The following IQGAP2 variants were observed in gnomAD, a reference collection of about 807,000 sequenced individuals.
IQGAP2 encodes the protein ras GTPase-activating-like protein IQGAP2.
A neutral mutation model predicts 201.3 loss-of-function variants in IQGAP2; 173 were observed. The observed-to-expected ratio is 0.86, with a 90% CI of 0.76 to 0.98. The LOEUF is 0.98. IQGAP2 is among the 50% of genes least tolerant of loss of function. IQGAP2 has a pLI of 0.00. For missense variants in IQGAP2, 1,687 were observed against 1,864.8 expected (o/e 0.90, Z 1.76); for synonymous variants, 675 against 673.9 (o/e 1.00, Z -0.03).
intron 11 of IQGAP2, among the ~76,000 whole-genome samples, chr5:76,603,323 A>C (rs565334286): frequency 5.9e-5 from 9 of 152,192 alleles, no homozygotes; most frequent in African/African-American, 1.9e-4. Flanking sequence ...ATCTGATGTT[A>C]TCTCTCCTGG....
intron 17 of IQGAP2, among the ~76,000 whole-genome samples, chr5:76,646,846 A>T (rs1561546639): frequency 6.6e-6 from 1 of 152,092 alleles, no homozygotes; most frequent in Non-Finnish European, 1.5e-5. Flanking sequence ...AAGTTTACTC[A>T]TGTATATTTT....
chr5:76,464,559 G>C (rs1754669147), intron 2 of IQGAP2, among the ~76,000 whole-genome samples: 1 of 152,050 alleles, frequency 6.6e-6, no homozygotes. Flanking sequence ...TTCTGTCTTT[G>C]CACCTGTTTT....
intron 2 of IQGAP2, among the ~76,000 whole-genome samples, chr5:76,541,551 C>G (rs1473679610): frequency 6.6e-6 from 1 of 152,138 alleles, no homozygotes; most frequent in African/African-American, 2.4e-5. Flanking sequence ...ATTATAATAC[C>G]TATACTGGAT....
At chr5:76,659,161 T>C (rs1448740843) in intron 21 of IQGAP2, among the ~76,000 whole-genome samples, 1 of 152,222 alleles carries the variant, frequency 6.6e-6, no homozygotes, top group Non-Finnish European at 1.5e-5. Flanking sequence ...TCTTCGTCTG[T>C]AAAATTTTAA....
intron 1 of IQGAP2, among the ~76,000 whole-genome samples, chr5:76,444,578 C>T (rs563257406): frequency 2.0e-5 from 3 of 152,150 alleles, no homozygotes; most frequent in African/African-American, 4.8e-5. Flanking sequence ...GGATTACAGG[C>T]GTGAGCCACT....
chr5:76,628,845 G>A, intron 14 of IQGAP2: 1 of 381,720 alleles, frequency 2.6e-6, no homozygotes, highest in Non-Finnish European at 5.1e-6. Flanking sequence ...ATGAAGTGGA[G>A]GTGTGTATAT....
intron 2 of IQGAP2, among the ~76,000 whole-genome samples, chr5:76,476,174 A>G (rs1755411991): frequency 6.6e-6 from 1 of 152,132 alleles, no homozygotes; most frequent in Non-Finnish European, 1.5e-5. Flanking sequence ...GTTGGAGTGT[A>G]GTGGAGGAGT....
intron 13 of IQGAP2, among the ~76,000 whole-genome samples, chr5:76,621,011 A>G (rs1749605897): frequency 6.6e-6 from 1 of 152,214 alleles, no homozygotes; most frequent in South Asian, 2.1e-4. Flanking sequence ...CCAGATTTCT[A>G]ATGTTACCTT....
intron 2 of IQGAP2, among the ~76,000 whole-genome samples, chr5:76,525,126 T>C (rs1253200300): frequency 6.6e-6 from 1 of 152,222 alleles, no homozygotes; most frequent in South Asian, 2.1e-4. Context: ...TTTTCAAATA[T>C]AAGAGAAGGA....
chr5:76,627,481 C>T lies in IQGAP2; in HGVS notation c.1593C>T (p.Asp531=), dbSNP rs767857224. The T allele has an allele frequency of 6.4e-5, 101 of 1,588,688 alleles. 1 individual carries two copies. In the South Asian group the frequency reaches 1.0e-3, roughly 16 times the overall value. Residue 531 remains aspartate (D), a synonymous_variant, in exon 14 of 36, where the codon GAC becomes GAT. Coordinates refer to ENST00000274364, the MANE Select transcript of IQGAP2 (RefSeq NM_006633.5). ...AAGCCGTCGATGATGCCAACGTGGA[C>T]AAGGACAGAGCAAAACAATGTAAGC... ...IQQAVDDANV[D]KDRAKQWVTL...
At chr5:76,671,694 A>G in intron 23 of IQGAP2, 65 bp from the exon 24 acceptor site, 28 of 1,106,842 alleles carry the variant, frequency 2.5e-5, no homozygotes, top group Non-Finnish European at 3.2e-5. Context: ...TCGGGGAAAA[A>G]AAAAAAAAAA....
At chr5:76,648,546 C>T (rs1752265973) in intron 17 of IQGAP2, among the ~76,000 whole-genome samples, 2 of 152,130 alleles carry the variant, frequency 1.3e-5, no homozygotes, top group Admixed American at 6.5e-5. Context: ...AATAACAATT[C>T]CTAGGTGCCC....
At chr5:76,578,761 G>GT (rs1322394165) in intron 5 of IQGAP2, among the ~76,000 whole-genome samples, 1 of 152,080 alleles carries the variant, frequency 6.6e-6, no homozygotes, top group Non-Finnish European at 1.5e-5. Context: ...AAAAACCACT[G>GT]TAACTATTTT....
chr5:76,441,430 A>G, intron 1 of IQGAP2: 1 of 883,756 alleles, frequency 1.1e-6, no homozygotes, highest in Non-Finnish European at 1.4e-6. Context: ...CTACTTTTGA[A>G]GAGGTTGTGT....
At chr5:76,634,680 G>A (rs536793043) in intron 15 of IQGAP2, among the ~76,000 whole-genome samples, 8 of 152,246 alleles carry the variant, frequency 5.3e-5, no homozygotes, top group African/African-American at 1.4e-4. Flanking sequence ...TTTCAGGCAC[G>A]CACAGGATGA....
At chr5:76,457,062 T>C (rs1192716293) in intron 1 of IQGAP2, among the ~76,000 whole-genome samples, 1 of 152,180 alleles carries the variant, frequency 6.6e-6, no homozygotes, top group East Asian at 1.9e-4. Flanking sequence ...CGATCATAGT[T>C]TGCTGCAGCC....
intron 2 of IQGAP2, among the ~76,000 whole-genome samples, chr5:76,558,608 CAT>C (rs554590548): frequency 1.7e-3 from 261 of 152,318 alleles, no homozygotes; most frequent in African/African-American, 5.5e-3. Flanking sequence ...ACAAGGCCCA[CAT>C]GAGATGTGAA....
intron 1 of IQGAP2, among the ~76,000 whole-genome samples, chr5:76,407,379 T>C (rs1466427871): frequency 6.6e-6 from 1 of 152,182 alleles, no homozygotes; most frequent in Admixed American, 6.5e-5. Flanking sequence ...TAAACTCTTA[T>C]CCATCTACGA....
intron 2 of IQGAP2, among the ~76,000 whole-genome samples, chr5:76,494,958 G>A (rs1365698045): frequency 1.3e-5 from 2 of 152,202 alleles, no homozygotes; most frequent in African/African-American, 4.8e-5. Context: ...CATTTAGACT[G>A]TGAGGGTGTT....
Sources: gnomAD v4.1 joint callset for allele counts (sites outside exome capture counted in the v4.1 genomes callset) on GRCh38, gnomAD v4.1.1 for gene constraint, MANE v1.5 for transcripts, NCBI Gene and HGNC (gene_info 2026-07-23, HGNC 2026-07-21) for gene names.